Variants in ANO4 observed in about 807,000 individuals in gnomAD.
The protein encoded by ANO4 is anoctamin-4.
ANO4 carries 69 observed loss-of-function variants against 141.9 expected under a neutral mutation model. That is an observed-to-expected ratio of 0.49 (90% CI 0.40 to 0.59). The LOEUF is 0.59. Among genes scored for constraint, ANO4 ranks in the 20% least tolerant of loss-of-function variants. The pLI is 0.00. For missense variants in ANO4, 894 were observed against 1,162.2 expected (o/e 0.77, Z 3.36); for synonymous variants, 350 against 394.3 (o/e 0.89, Z 1.33).
intron 2 of ANO4, chr12:100,733,998 T>G: frequency 1.7e-6 from 1 of 574,762 alleles, no homozygotes; most frequent in Non-Finnish European, 3.1e-6. Context: ...CAATTGCTTG[T>G]GGACTCACTT....
intron 1 of ANO4, among the ~76,000 whole-genome samples, chr12:100,884,667 TTCTG>T (rs2039739432): frequency 6.6e-6 from 1 of 152,176 alleles, no homozygotes; most frequent in African/African-American, 2.4e-5. Flanking sequence ...CCTTCTGTCT[TTCTG>T]GAGACTCTAG....
At chr12:100,739,018 T>TTA (rs578085324) in intron 2 of ANO4, among the ~76,000 whole-genome samples, 3,523 of 70,044 alleles carry the variant, frequency 0.05, 56 homozygotes, top group Non-Finnish European at 0.059. Flanking sequence ...ATCTAAATCT[T>TTA]TATATATATA....
At chr12:100,806,519 G>C (rs797014827) in intron 1 of ANO4, among the ~76,000 whole-genome samples, 1 of 34,788 alleles carries the variant, frequency 2.9e-5, no homozygotes, top group African/African-American at 8.7e-5. Context: ...TTTTTTTTTT[G>C]TTTCGTTTTT....
chr12:100,787,259 G>T (rs1253212960), intron 3 of ANO4, among the ~76,000 whole-genome samples: 2 of 152,174 alleles, frequency 1.3e-5, no homozygotes, highest in Non-Finnish European at 2.9e-5. Context: ...GGAGAAAGAT[G>T]CTTGGGTGGT....
At position 100,733,514 on chromosome 12, in the gene ANO4, T is replaced by C. The variant is rs905016710; in HGVS notation, c.23-260T>C. 1.1e-4 allele frequency among the ~76,000 whole-genome samples: 17 copies of C among 152,278 alleles called. 1 individual carries two copies. Among genetic ancestry groups the C allele is most frequent in the Admixed American group, 4.6e-4 (7 of 15,296 alleles). On this transcript the variant is annotated intron_variant, in intron 1 of 29. Coordinates refer to the ANO4 transcript ENST00000644049. ...TGCCCAAGCACCCTTCACTCTCCCATTGTAATAATGATGACATGAAACTGC... is the reference window on the plus strand; with the variant it reads ...TGCCCAAGCACCCTTCACTCTCCCACTGTAATAATGATGACATGAAACTGC...
intron 1 of ANO4, among the ~76,000 whole-genome samples, chr12:100,724,155 G>A (rs1458077803): frequency 6.6e-6 from 1 of 152,230 alleles, no homozygotes; most frequent in African/African-American, 2.4e-5. Context: ...GTAGGTGTAA[G>A]TAGGAAAGGA....
intron 15 of ANO4, among the ~76,000 whole-genome samples, chr12:101,080,750 C>A (rs2049211724): frequency 6.6e-6 from 1 of 151,298 alleles, no homozygotes; most frequent in Non-Finnish European, 1.5e-5. Flanking sequence ...TTGCTTGAAC[C>A]CAGAAGGTGG....
chr12:101,081,626 C>T (rs1201448954), intron 15 of ANO4, among the ~76,000 whole-genome samples: 2 of 152,156 alleles, frequency 1.3e-5, no homozygotes, highest in Non-Finnish European at 2.9e-5. Context: ...GGGGCAACCT[C>T]GCACATTAGT....
In ANO4 at chr12:101,104,090, T is replaced by C. The variant is rs1284686320; in HGVS notation, c.2149+4370T>C. 3.3e-5 allele frequency among the ~76,000 whole-genome samples: 5 copies of C among 151,974 alleles called. No homozygotes were observed. The South Asian group carries it at 1.0e-3, about 31-fold the overall frequency. ...TAGGGTGTATAGTGATGCCCTTTCT[T>C]TCACTTATAATTTCATAGTTTGTGC... On this transcript the variant is annotated intron_variant, in intron 22 of 27. Coordinates refer to ENST00000392977, the MANE Select transcript of ANO4 (RefSeq NM_001286615.2).
At chr12:100,833,618 C>T (rs757323399) in intron 1 of ANO4, among the ~76,000 whole-genome samples, 1 of 152,168 alleles carries the variant, frequency 6.6e-6, no homozygotes. Context: ...CTTGCTTACA[C>T]TCCCTTGAAA....
intron 25 of ANO4, among the ~76,000 whole-genome samples, chr12:101,117,124 G>A (rs567334118): frequency 4.0e-4 from 61 of 152,296 alleles, no homozygotes; most frequent in Admixed American, 3.9e-4. Context: ...ATCCCCAGGC[G>A]GGTTGAGCGA....
intron 1 of ANO4, among the ~76,000 whole-genome samples, chr12:100,726,756 C>CTAGACTTGGTTAAAGGCCAAGTCTAGACT (rs373141629): frequency 2.6e-4 from 39 of 152,024 alleles, no homozygotes; most frequent in African/African-American, 7.3e-4. Flanking sequence ...TAAAGTGGCC[C>CTAGACTTGGTTAAAGGCCAAGTCTAGACT]TGGTTAAAGG....
intron 3 of ANO4, among the ~76,000 whole-genome samples, chr12:100,927,802 A>G (rs952324203): frequency 1.3e-5 from 2 of 152,048 alleles, no homozygotes; most frequent in Admixed American, 1.3e-4. Flanking sequence ...ATCTGGATAT[A>G]TACTGTAGGG....
At chr12:100,744,921 C>G (rs2032036013) in intron 3 of ANO4, among the ~76,000 whole-genome samples, 1 of 151,896 alleles carries the variant, frequency 6.6e-6, no homozygotes. Context: ...CCTCACTCCC[C>G]CTCACTTTCT....
intron 1 of ANO4, among the ~76,000 whole-genome samples, chr12:100,806,764 C>T (rs1293837080): frequency 6.6e-6 from 1 of 151,586 alleles, no homozygotes; most frequent in Non-Finnish European, 1.5e-5. Context: ...AGGCTGGTCT[C>T]GAACTGCTGA....
intron 1 of ANO4, among the ~76,000 whole-genome samples, chr12:100,814,477 G>T (rs2035617442): frequency 6.6e-6 from 1 of 151,908 alleles, no homozygotes. Context: ...GGCAGGGCCA[G>T]AATTTTATCA....
chr12:100,782,279 A>G (rs554759954), intron 3 of ANO4, among the ~76,000 whole-genome samples: 19 of 152,232 alleles, frequency 1.2e-4, no homozygotes, highest in African/African-American at 4.6e-4. Flanking sequence ...TATCCTTCCA[A>G]TGACCATACA....
intron 3 of ANO4, among the ~76,000 whole-genome samples, chr12:100,760,196 T>C (rs1310824805): frequency 3.9e-5 from 6 of 152,228 alleles, no homozygotes; most frequent in Non-Finnish European, 7.3e-5. Context: ...AGAAGGTCAT[T>C]TGGAGTGACG....
intron 5 of ANO4, among the ~76,000 whole-genome samples, chr12:100,951,919 A>T (rs547770445): frequency 6.6e-6 from 1 of 152,312 alleles, no homozygotes; most frequent in Admixed American, 6.5e-5. Context: ...GCCTCTACCC[A>T]CTAGATGCCA....
Sources: allele counts gnomAD v4.1 joint callset (sites outside exome capture counted in the v4.1 genomes callset), GRCh38; gene constraint gnomAD v4.1.1; transcripts MANE v1.5; gene names NCBI Gene and HGNC (gene_info 2026-07-23, HGNC 2026-07-21).